The following KLHL8 variants were observed in gnomAD, a reference collection of about 807,000 sequenced individuals.
KLHL8 encodes the protein kelch like family member 8.
KLHL8 carries 38 observed loss-of-function variants against 63.5 expected under a neutral mutation model. The ratio of observed to expected loss-of-function variants is 0.60; its 90% confidence interval spans 0.46 to 0.78. KLHL8 has a LOEUF of 0.78. Ranked by LOEUF, KLHL8 falls within the 30% of genes least tolerant of loss-of-function variation. The probability of loss-of-function intolerance (pLI) is 0.00; values close to 1 mark genes in which losing one functional copy is unlikely to be tolerated. For synonymous variants in KLHL8, 224 were observed against 254.3 expected (o/e 0.88, Z 1.13); for missense variants, 566 against 752.4 (o/e 0.75, Z 2.90).
At chr4:87,231,494 A>G (rs1733136873) in intron 1 of KLHL8, among the ~76,000 whole-genome samples, 1 of 152,026 alleles carries the variant, frequency 6.6e-6, no homozygotes, top group South Asian at 2.1e-4. Context: ...CCCACCTGTG[A>G]ACAGTAATGT....
chr4:87,185,824 TTC>T (rs1560700335), intron 2 of KLHL8, 25 bp from the exon 3 acceptor site: 1 of 1,526,722 alleles, frequency 6.5e-7, no homozygotes, highest in Non-Finnish European at 8.8e-7. Context: ...CCAAGAAAGA[TTC>T]TGTTTAATAT....
At chr4:87,164,210 A>G in intron 8 of KLHL8, 131 bp from the exon 9 acceptor site, 2 of 771,938 alleles carry the variant, frequency 2.6e-6, no homozygotes, top group Non-Finnish European at 2.0e-6. Flanking sequence ...TTTTTTTAAA[A>G]AATTCATCCC....
chr4:87,189,450 C>T (rs774810363), intron 2 of KLHL8, among the ~76,000 whole-genome samples: 2 of 151,892 alleles, frequency 1.3e-5, no homozygotes, highest in Non-Finnish European at 2.9e-5. Context: ...CTTGAAATAC[C>T]AACTATTAAT....
chr4:87,190,139 C>T (rs1731425775), intron 2 of KLHL8, among the ~76,000 whole-genome samples: 1 of 151,826 alleles, frequency 6.6e-6, no homozygotes, highest in South Asian at 2.1e-4. Context: ...GAAAAATGCC[C>T]TTCTACTCTA....
At chr4:87,217,604 T>C (rs978697905) in intron 1 of KLHL8, among the ~76,000 whole-genome samples, 1 of 151,836 alleles carries the variant, frequency 6.6e-6, no homozygotes, top group Non-Finnish European at 1.5e-5. Context: ...CTTTGGCTTC[T>C]GAAAGTGCTA....
Position 87,163,894 on chromosome 4 carries a change from C to G in KLHL8, c.1723G>C (p.Asp575His). ...NAYLNTVEAF[D>H]PVLNRWELVG... ...GTAAATTACCTATTCAGCACTGGATCAAACGCTTCTACTGTATTTAAGTAT... is the reference window on the plus strand; with the variant it reads ...GTAAATTACCTATTCAGCACTGGATGAAACGCTTCTACTGTATTTAAGTAT... The change falls in exon 9 of 10, where the codon GAT becomes CAT. Residue 575 changes from aspartate to histidine, a missense_variant. Coordinates refer to ENST00000273963, the MANE Select transcript of KLHL8 (RefSeq NM_020803.5). 2.5e-6 allele frequency: 4 copies of G among 1,613,966 alleles called. No homozygotes were observed. Among genetic ancestry groups the G allele is most frequent in the Non-Finnish European group, 3.4e-6 (4 of 1,179,934 alleles).
At chr4:87,195,113 A>C (rs1029984940) in intron 2 of KLHL8, among the ~76,000 whole-genome samples, 1 of 152,214 alleles carries the variant, frequency 6.6e-6, no homozygotes. Context: ...ATCAACATTA[A>C]ATTAGTACAA....
rs532263956 is a variant in KLHL8, at chr4:87,170,536, C to T, written c.1288G>A (p.Val430Met). The change falls in exon 7 of 10, where the codon GTG (valine) becomes ATG (methionine). Residue 430 changes from valine to methionine, a missense_variant. Coordinates refer to ENST00000273963, the MANE Select transcript of KLHL8 (RefSeq NM_020803.5). ...GLDDNTCFND[V>M]ERYDIESDQW... ...TCAGATTCTATGTCATATCTCTCCA[C>T]ATCATTGAAGCAAGTATTGTCATCT... The T allele has an allele frequency of 1.2e-6, 2 of 1,614,076 alleles. No individual in the cohort carries two copies. Among genetic ancestry groups the T allele is most frequent in the South Asian group, 1.1e-5 (1 of 91,082 alleles).
chr4:87,177,819 C>T (rs1730888143), intron 5 of KLHL8, among the ~76,000 whole-genome samples: 1 of 151,984 alleles, frequency 6.6e-6, no homozygotes, highest in African/African-American at 2.4e-5. Context: ...GTTGCCCAGG[C>T]TGGTCTTGAA....
At chr4:87,223,782 T>C (rs1732925384), upstream of KLHL8, among the ~76,000 whole-genome samples, 1 of 152,180 alleles carries the variant, frequency 6.6e-6, no homozygotes, top group African/African-American at 2.4e-5. Context: ...CTTAAAAATA[T>C]ATACAGTATC....
At chr4:87,191,622 A>T (rs1361136534) in intron 2 of KLHL8, among the ~76,000 whole-genome samples, 1 of 152,094 alleles carries the variant, frequency 6.6e-6, no homozygotes, top group African/African-American at 2.4e-5. Flanking sequence ...CTTTAGAATT[A>T]GGGGTGCATG....
intron 4 of KLHL8, among the ~76,000 whole-genome samples, chr4:87,181,604 A>C (rs1008780051): frequency 1.3e-5 from 2 of 152,078 alleles, no homozygotes; most frequent in Non-Finnish European, 2.9e-5. Context: ...AAAAAAAAAA[A>C]AACTAAAATA....
chr4:87,238,613 A>G (rs111692168), intron 1 of KLHL8, among the ~76,000 whole-genome samples: 44 of 152,342 alleles, frequency 2.9e-4, no homozygotes, highest in African/African-American at 9.9e-4. Flanking sequence ...TAACACTGAG[A>G]AAGAAAATTG....
At chr4:87,209,859 T>G (rs1314157057) in intron 1 of KLHL8, among the ~76,000 whole-genome samples, 5 of 149,504 alleles carry the variant, frequency 3.3e-5, no homozygotes, top group Admixed American at 6.7e-5. Context: ...TTTTTTTTTT[T>G]TTTTTTTTTT....
At chr4:87,225,558 T>C (rs1732957846), upstream of KLHL8, among the ~76,000 whole-genome samples, 1 of 152,196 alleles carries the variant, frequency 6.6e-6, no homozygotes, top group African/African-American at 2.4e-5. Context: ...TAGTCAAGTC[T>C]CACTGGTGGC....
At position 87,161,616 on chromosome 4, in the gene KLHL8, A is replaced by T. The variant is rs777453554; in HGVS notation, c.*1903T>A. 6.6e-6 allele frequency: 1 copy of T among 152,216 alleles called. No individual in the cohort carries two copies. The highest frequency in any genetic ancestry group is 1.5e-5 in the Non-Finnish European group (1 of 68,044). 9.4% of individuals were successfully genotyped at this position (152,216 alleles called of 1,614,324 possible). On this transcript the variant is annotated 3_prime_UTR_variant, in exon 10 of 10. Coordinates refer to ENST00000273963, the MANE Select transcript of KLHL8 (RefSeq NM_020803.5). ...CTCTCCCCGAAAATAAATATAACAA[A>T]CATATTAGTAACCATAGCTAAACAA...
chr4:87,174,074 T>C (rs1453638449), intron 6 of KLHL8, among the ~76,000 whole-genome samples: 1 of 152,168 alleles, frequency 6.6e-6, no homozygotes, highest in African/African-American at 2.4e-5. Context: ...TAGTTTTTAA[T>C]TGCTCATTTT....
intron 1 of KLHL8, among the ~76,000 whole-genome samples, chr4:87,216,893 C>G (rs1732617020): frequency 6.6e-6 from 1 of 152,162 alleles, no homozygotes; most frequent in African/African-American, 2.4e-5. Context: ...ACATACAACA[C>G]CAAATAATCC....
intron 2 of KLHL8, among the ~76,000 whole-genome samples, chr4:87,194,478 C>T (rs1731620190): frequency 6.6e-6 from 1 of 152,156 alleles, no homozygotes; most frequent in Non-Finnish European, 1.5e-5. Flanking sequence ...TGAGACCAGC[C>T]TGGGCAACAT....
Sources: allele counts gnomAD v4.1 joint callset (sites outside exome capture counted in the v4.1 genomes callset), GRCh38; gene constraint gnomAD v4.1.1; transcripts MANE v1.5; gene names NCBI Gene and HGNC (gene_info 2026-07-23, HGNC 2026-07-21).